Variants in BRWD1 observed in about 807,000 individuals in gnomAD.
BRWD1 encodes bromodomain and WD repeat-containing protein 1.
BRWD1 carries 82 observed loss-of-function variants against 251.2 expected under a neutral mutation model. The ratio of observed to expected loss-of-function variants is 0.33; its 90% confidence interval spans 0.27 to 0.39. The LOEUF is 0.39. Ranked by LOEUF, BRWD1 falls within the 10% of genes least tolerant of loss-of-function variation. The probability of loss-of-function intolerance (pLI) is 1.00; values close to 1 mark genes in which losing one functional copy is unlikely to be tolerated. For synonymous variants in BRWD1, 918 were observed against 902.8 expected (o/e 1.02, Z -0.30); for missense variants, 2,233 against 2,711.6 (o/e 0.82, Z 3.92).
Position 39,312,826 on chromosome 21 carries a change from G to C in BRWD1, c.198+15C>G, listed in dbSNP as rs778466255. The C allele has an allele frequency of 6.3e-7, 1 of 1,588,714 alleles. No individual in the cohort carries two copies. Among genetic ancestry groups the C allele is most frequent in the South Asian group, 1.1e-5 (1 of 89,226 alleles). ...TGCACGGAAAACCCGGGGAGCAAACGTGCCCAATGCTCACCAACTCCTCGT... is the reference window on the plus strand; with the variant it reads ...TGCACGGAAAACCCGGGGAGCAAACCTGCCCAATGCTCACCAACTCCTCGT... On this transcript the variant is annotated intron_variant, in intron 4 of 40. Transcript: ENST00000342449.
rs1330545822 is a variant in BRWD1, at chr21:39,300,062, AAAG to A, written c.199-1483_199-1481del. Among the ~76,000 whole-genome samples the A allele has an allele frequency of 7.9e-5, 12 of 152,310 alleles. No individual in the cohort carries two copies. The East Asian group carries it at 1.9e-3, about 24-fold the overall frequency. ...AGAGGCAGGAAGAACTGACCTCAGA[AAAG>A]AATAAGAAAAAACCACTCAAACCTC... On this transcript the variant is annotated intron_variant, in intron 4 of 40. Transcript: ENST00000342449.
At chr21:39,268,987 CAAAAAGAAAAG>C (rs1431863877) in intron 15 of BRWD1, among the ~76,000 whole-genome samples, 23 of 149,576 alleles carry the variant, frequency 1.5e-4, no homozygotes, top group Non-Finnish European at 2.2e-4. Flanking sequence ...GACTCTGTCT[CAAAAAGAAAAG>C]AAAAAGAAAA....
At chr21:39,305,343 TAAAC>T (rs1233706487) in intron 4 of BRWD1, among the ~76,000 whole-genome samples, 1 of 152,120 alleles carries the variant, frequency 6.6e-6, no homozygotes, top group Non-Finnish European at 1.5e-5. Context: ...GATCTGAAAA[TAAAC>T]AAGTCACTCA....
Position 39,187,297 on chromosome 21 carries a change from G to C in BRWD1, c.*8962C>G. On this transcript the variant is annotated 3_prime_UTR_variant, in exon 41 of 41. Coordinates refer to ENST00000342449, the MANE Select transcript of BRWD1 (RefSeq NM_033656.4). ...TGCAGCAACAGTAGCACATCTGCGGGGAACTTTCTCAGGTACCATTTTTGC... is the reference window on the plus strand; with the variant it reads ...TGCAGCAACAGTAGCACATCTGCGGCGAACTTTCTCAGGTACCATTTTTGC... 1 of 1,613,876 alleles carries C rather than the reference G, an allele frequency of 6.2e-7. No homozygotes were observed. The highest frequency in any genetic ancestry group is 1.7e-5 in the Admixed American group (1 of 59,994).
chr21:39,298,445 T>G lies in BRWD1; in HGVS notation c.336A>C (p.Leu112=), dbSNP rs778037236. The change falls in exon 5 of 41, where the codon CTA becomes CTC. Residue 112 remains leucine, a synonymous_variant. Coordinates refer to ENST00000342449, the MANE Select transcript of BRWD1 (RefSeq NM_033656.4). ...SLLGAGRQSL[L]RTAKDCRHTV... ...AAATTAAGGTACCTTTTGCTGTACG[T>G]AGCAAAGACTGCCTTCCTGCACCAA... 6.3e-7 allele frequency: 1 copy of G among 1,596,566 alleles called. No homozygotes were observed. The highest frequency in any genetic ancestry group is 8.5e-7 in the Non-Finnish European group (1 of 1,174,300).
chr21:39,317,026 C>G, upstream of BRWD1: 1 of 152,174 alleles, frequency 6.6e-6, no homozygotes, highest in African/African-American at 2.4e-5. Flanking sequence ...GACAAATATT[C>G]TTTCTAAATT....
At chr21:39,290,227 C>T (rs1407265610) in intron 8 of BRWD1, among the ~76,000 whole-genome samples, 1 of 151,960 alleles carries the variant, frequency 6.6e-6, no homozygotes, top group African/African-American at 2.4e-5. Flanking sequence ...AGGTGGCTCA[C>T]ACCTGTAATC....
In BRWD1 at chr21:39,264,512, T is replaced by C. The variant is rs138437306; in HGVS notation, c.1833A>G (p.Arg611=). ...PTKYQRLVPG[R]ENSADEHLIP... ...TCAAATGTTCATCTGCAGAATTTTCTCGGCCTGGTACTAATCTCTGATACT... is the reference window on the plus strand; with the variant it reads ...TCAAATGTTCATCTGCAGAATTTTCCCGGCCTGGTACTAATCTCTGATACT... Residue 611 remains arginine (R), a synonymous_variant, in exon 17 of 41, where the codon CGA becomes CGG. Coordinates refer to ENST00000342449, the MANE Select transcript of BRWD1 (RefSeq NM_033656.4). 2.9e-5 allele frequency: 46 copies of C among 1,611,730 alleles called. 1 individual carries two copies. The Middle Eastern group carries it at 9.9e-4, about 35-fold the overall frequency.
At chr21:39,306,093 C>T (rs2036279012) in intron 4 of BRWD1, among the ~76,000 whole-genome samples, 1 of 145,260 alleles carries the variant, frequency 6.9e-6, no homozygotes, top group African/African-American at 2.6e-5. Context: ...TTTTTTGAGA[C>T]CGAGTCTCAC....
At chr21:39,262,310 C>A (rs1251360293) in intron 17 of BRWD1, among the ~76,000 whole-genome samples, 1 of 152,178 alleles carries the variant, frequency 6.6e-6, no homozygotes, top group Admixed American at 6.5e-5. Context: ...CCCATCTATT[C>A]CATGGGGTAT....
chr21:39,192,174 T>C lies in BRWD1; in HGVS notation c.*4085A>G, dbSNP rs2031587216. On this transcript the variant is annotated 3_prime_UTR_variant, in exon 41 of 41. Coordinates refer to ENST00000342449, the MANE Select transcript of BRWD1 (RefSeq NM_033656.4). The stretch of plus-strand genomic sequence containing the variant: ...TCTTACTTTTGAGAATCCCCATGTA[T>C]CCTTGGGCAACATCTCTGTAATTTA... 1 of 985,164 alleles carries C rather than the reference T, an allele frequency of 1.0e-6. No homozygotes were observed. The highest frequency in any genetic ancestry group is 4.7e-5 in the South Asian group (1 of 21,294). The allele number at this position is 985,164 out of a possible 1,614,324, so 61.0% of individuals were successfully genotyped here. A position where few individuals can be genotyped will look rare whatever the true frequency, so the allele number is the denominator to read the frequency against.
At chr21:39,268,178 A>T (rs2034985539) in intron 15 of BRWD1, among the ~76,000 whole-genome samples, 1 of 152,200 alleles carries the variant, frequency 6.6e-6, no homozygotes, top group South Asian at 2.1e-4. Flanking sequence ...TACTAAAAAA[A>T]TTAGTTTAAT....
chr21:39,200,196 A>G (rs1326263683), intron 39 of BRWD1, 23 bp downstream of exon 39: 1 of 1,578,804 alleles, frequency 6.3e-7, no homozygotes. Context: ...TACATTCCAT[A>G]AAAGTACTAC....
Position 39,223,267 on chromosome 21 carries a change from CTTTT to C in BRWD1, c.3382+1137_3382+1140del, listed in dbSNP as rs780333458. Among the ~76,000 whole-genome samples, 5 of 151,980 alleles carry C rather than the reference CTTTT, an allele frequency of 3.3e-5. No individual in the cohort carries two copies. In the East Asian group the frequency reaches 9.7e-4, roughly 29 times the overall value. On this transcript the variant is annotated intron_variant, in intron 29 of 40. Coordinates refer to ENST00000342449, the MANE Select transcript of BRWD1 (RefSeq NM_033656.4). ...AAAATCCTTGTACTATTTTTTTTAA[CTTTT>C]TTTAAGTCTGAAATTATCTTGAAAT...
At chr21:39,290,490 CAAA>C (rs1002425792) in intron 8 of BRWD1, among the ~76,000 whole-genome samples, 4 of 92,366 alleles carry the variant, frequency 4.3e-5, no homozygotes, top group Non-Finnish European at 4.6e-5. Context: ...GACTCCGTCT[CAAA>C]AAAAAAAAAA....
Position 39,185,844 on chromosome 21 carries a change from T to G in BRWD1, c.*10415A>C, listed in dbSNP as rs901426840. On this transcript the variant is annotated 3_prime_UTR_variant, in exon 41 of 41. Coordinates refer to ENST00000342449, the MANE Select transcript of BRWD1 (RefSeq NM_033656.4). ...GGGAAAACAACTTACTTTCAACAAC[T>G]TAATTTTTCCAGTAACACGTTACTA... 1.3e-5 allele frequency: 2 copies of G among 152,180 alleles called. No individual in the cohort carries two copies. Among genetic ancestry groups the G allele is most frequent in the African/African-American group, 4.8e-5 (2 of 41,456 alleles). The allele number at this position is 152,180 out of a possible 1,614,324, so 9.4% of individuals were successfully genotyped here. A position where few individuals can be genotyped will look rare whatever the true frequency, so the allele number is the denominator to read the frequency against.
At chr21:39,251,737 A>T (rs926586453) in intron 19 of BRWD1, among the ~76,000 whole-genome samples, 1 of 152,184 alleles carries the variant, frequency 6.6e-6, no homozygotes, top group Non-Finnish European at 1.5e-5. Flanking sequence ...TCACTGCTTT[A>T]TGTGTGTTTA....
chr21:39,240,753 A>G (rs2033959779), intron 21 of BRWD1, among the ~76,000 whole-genome samples: 1 of 152,240 alleles, frequency 6.6e-6, no homozygotes, highest in South Asian at 2.1e-4. Context: ...GTGTGGGACT[A>G]TCTGTAGTAT....
At position 39,218,140 on chromosome 21, in the gene BRWD1, G is replaced by T. The variant is rs1313146056; in HGVS notation, c.3659+12C>A. On this transcript the variant is annotated intron_variant, in intron 31 of 40. Coordinates refer to ENST00000342449, the MANE Select transcript of BRWD1 (RefSeq NM_033656.4). ...AGCTTTTTAAACATTTTGAAAGCAG[G>T]TTTCTACTAACCTGTAAAATCGATT... The T allele has an allele frequency of 6.3e-7, 1 of 1,588,170 alleles. No homozygotes were observed. The highest frequency in any genetic ancestry group is 2.3e-5 in the East Asian group (1 of 44,286).
Sources: allele counts gnomAD v4.1 joint callset (sites outside exome capture counted in the v4.1 genomes callset), GRCh38; gene constraint gnomAD v4.1.1; transcripts MANE v1.5; gene names NCBI Gene and HGNC (gene_info 2026-07-23, HGNC 2026-07-21).